PRR5L: variants seen among roughly 807,000 people sequenced by gnomAD.
PRR5L encodes proline rich 5 like.
PRR5L carries 21 observed loss-of-function variants against 36.4 expected under a neutral mutation model. That is an observed-to-expected ratio of 0.58 (90% CI 0.41 to 0.83). PRR5L has a LOEUF of 0.83. PRR5L is among the 40% of genes least tolerant of loss of function. PRR5L has a pLI of 0.00. For missense variants in PRR5L, 381 were observed against 473.3 expected (o/e 0.80, Z 1.81); for synonymous variants, 188 against 197.0 (o/e 0.95, Z 0.38).
intron 3 of PRR5L, among the ~76,000 whole-genome samples, chr11:36,413,382 T>C (rs1590556590): frequency 6.6e-6 from 1 of 152,186 alleles, no homozygotes; most frequent in East Asian, 1.9e-4. Context: ...AGGGACTTAC[T>C]CCTGCGATTC....
chr11:36,368,278 C>T (rs1380555514), intron 1 of PRR5L, among the ~76,000 whole-genome samples: 2 of 152,032 alleles, frequency 1.3e-5, no homozygotes, highest in African/African-American at 4.8e-5. Context: ...ATGACCACTA[C>T]AGGGGCAGGG....
At chr11:36,407,274 G>A (rs1857931250) in intron 3 of PRR5L, among the ~76,000 whole-genome samples, 1 of 152,192 alleles carries the variant, frequency 6.6e-6, no homozygotes, top group East Asian at 1.9e-4. Flanking sequence ...AGGATCGCTT[G>A]AGTCCAAGTG....
chr11:36,297,673 T>G (rs17814690), intron 1 of PRR5L, among the ~76,000 whole-genome samples: 1 of 152,168 alleles, frequency 6.6e-6, no homozygotes, highest in South Asian at 2.1e-4. Flanking sequence ...CAAAAGTTCT[T>G]AAGTCGCTTT....
At chr11:36,368,865 C>A (rs1469963579) in intron 1 of PRR5L, among the ~76,000 whole-genome samples, 1 of 152,138 alleles carries the variant, frequency 6.6e-6, no homozygotes, top group African/African-American at 2.4e-5. Context: ...TTTTTAATTT[C>A]AAATACAGTA....
chr11:36,370,350 T>C (rs1051800336), intron 1 of PRR5L, among the ~76,000 whole-genome samples: 1 of 152,214 alleles, frequency 6.6e-6, no homozygotes, highest in African/African-American at 2.4e-5. Context: ...ATTTCTCTTC[T>C]TTTTTTCCAG....
chr11:36,376,105 A>AT (rs566629655), intron 1 of PRR5L: 134,084 of 859,272 alleles, frequency 0.16, 923 homozygotes, highest in South Asian at 0.19. Context: ...CTCCTCGGCA[A>AT]TTTTTTTTTT....
intron 1 of PRR5L, among the ~76,000 whole-genome samples, chr11:36,375,451 T>C (rs1455055859): frequency 6.6e-6 from 1 of 152,060 alleles, no homozygotes; most frequent in East Asian, 1.9e-4. Flanking sequence ...ATAGGTTTTG[T>C]AGGGTCGCAA....
chr11:36,375,970 C>T (rs377757557), intron 1 of PRR5L: 16 of 391,294 alleles, frequency 4.1e-5, no homozygotes, highest in African/African-American at 3.2e-4. Flanking sequence ...AAGTGAGCCC[C>T]AGAATCACCT....
Position 36,393,734 on chromosome 11 carries a change from G to A in PRR5L, c.-125-7263G>A, listed in dbSNP as rs1173667806. The A allele has an allele frequency of 4.6e-5, 7 of 152,098 alleles. No individual in the cohort carries two copies. The East Asian group carries it at 1.3e-3, about 29-fold the overall frequency. 9.4% of individuals were successfully genotyped at this position (152,098 alleles called of 1,614,324 possible). On this transcript the variant is annotated intron_variant, in intron 1 of 8. Transcript: ENST00000530639. ...GAAGAATGTCATTAGTATTTTGATTGGAATTGCATTCAATCTGTAGACTGC... is the reference window on the plus strand; with the variant it reads ...GAAGAATGTCATTAGTATTTTGATTAGAATTGCATTCAATCTGTAGACTGC...
At chr11:36,318,802 G>C (rs1441999435) in intron 1 of PRR5L, among the ~76,000 whole-genome samples, 1 of 152,124 alleles carries the variant, frequency 6.6e-6, no homozygotes, top group Non-Finnish European at 1.5e-5. Context: ...TGGATCACAG[G>C]ACAGGTGAGA....
intron 1 of PRR5L, among the ~76,000 whole-genome samples, chr11:36,385,836 C>G (rs1857447850): frequency 6.6e-6 from 1 of 152,214 alleles, no homozygotes; most frequent in Admixed American, 6.5e-5. Flanking sequence ...GACCAGCAAA[C>G]AGACTCAGGA....
intron 1 of PRR5L, among the ~76,000 whole-genome samples, chr11:36,382,620 C>CT (rs141616316): frequency 6.6e-5 from 10 of 152,324 alleles, no homozygotes; most frequent in Non-Finnish European, 1.2e-4. Context: ...TTGGTCAGGG[C>CT]TTCCCCACCT....
chr11:36,373,538 A>G (rs1197854817), intron 1 of PRR5L, among the ~76,000 whole-genome samples: 18 of 151,538 alleles, frequency 1.2e-4, no homozygotes, highest in Non-Finnish European at 5.9e-5. Flanking sequence ...ATTTGAGGCT[A>G]TGGTGAGCTA....
At position 36,305,236 on chromosome 11, in the gene PRR5L, C is replaced by T. The variant is rs1218572447; in HGVS notation, c.-126+8798C>T. ...CTGATACAGGATCCAACATGGATGA[C>T]CTTTGAAACACTATGCTAAGTGCAA... On this transcript the variant is annotated intron_variant, in intron 1 of 8. Coordinates refer to ENST00000530639, the MANE Select transcript of PRR5L (RefSeq NM_001160167.2). 2.0e-5 allele frequency among the ~76,000 whole-genome samples: 3 copies of T among 152,118 alleles called. No individual in the cohort carries two copies. In the East Asian group the frequency reaches 5.8e-4, roughly 29 times the overall value.
intron 1 of PRR5L, among the ~76,000 whole-genome samples, chr11:36,350,653 C>G (rs1292342759): frequency 6.6e-6 from 1 of 151,666 alleles, no homozygotes. Flanking sequence ...GCAGTGTACA[C>G]TGTACCCAAT....
intron 1 of PRR5L, among the ~76,000 whole-genome samples, chr11:36,370,622 C>T (rs1356390122): frequency 1.3e-5 from 2 of 152,312 alleles, no homozygotes; most frequent in East Asian, 3.9e-4. Context: ...TGGCTCACGC[C>T]TGTAATCCCA....
chr11:36,403,392 C>A lies in PRR5L; in HGVS notation c.245+14C>A. The A allele has an allele frequency of 6.2e-7, 1 of 1,610,480 alleles. No individual in the cohort carries two copies. The highest frequency in any genetic ancestry group is 1.1e-5 in the South Asian group (1 of 90,952). On this transcript the variant is annotated intron_variant, in intron 3 of 8. Coordinates refer to ENST00000530639, the MANE Select transcript of PRR5L (RefSeq NM_001160167.2). Reference sequence around the variant, plus strand: ...CGAAAACATCAGGTATGTGGCAGGCCAGACTTGGTGCCATTTTCCCCTATA... The same window carrying A: ...CGAAAACATCAGGTATGTGGCAGGCAAGACTTGGTGCCATTTTCCCCTATA...
At chr11:36,314,379 T>A (rs1227581801) in intron 1 of PRR5L, among the ~76,000 whole-genome samples, 1 of 152,096 alleles carries the variant, frequency 6.6e-6, no homozygotes, top group Non-Finnish European at 1.5e-5. Context: ...TCCCCACACA[T>A]CAGTAAAGTG....
At chr11:36,352,899 C>T (rs186881690) in intron 1 of PRR5L, among the ~76,000 whole-genome samples, 190 of 152,320 alleles carry the variant, frequency 1.2e-3, no homozygotes, top group Middle Eastern at 0.01. Flanking sequence ...GGGCACAGTC[C>T]TGTGGGTCAC....
Sources: gnomAD v4.1 joint callset for allele counts (sites outside exome capture counted in the v4.1 genomes callset) on GRCh38, gnomAD v4.1.1 for gene constraint, MANE v1.5 for transcripts, NCBI Gene and HGNC (gene_info 2026-07-23, HGNC 2026-07-21) for gene names.